Variants in PDE4D observed in about 807,000 individuals in gnomAD.
PDE4D encodes the protein 3',5'-cyclic-AMP phosphodiesterase 4D.
Under a neutral mutation model 87.4 loss-of-function variants are expected in PDE4D, and 24 were observed. The ratio of observed to expected loss-of-function variants is 0.27; its 90% CI spans 0.20 to 0.39. The LOEUF (loss-of-function observed/expected upper bound fraction) is 0.39. Among genes scored for constraint, PDE4D ranks in the 10% least tolerant of loss-of-function variants. The pLI, the probability that PDE4D is intolerant of heterozygous loss-of-function variation, is 1.00. For missense variants in PDE4D, 714 were observed against 1,041.0 expected (o/e 0.69, Z 4.32); for synonymous variants, 384 against 383.2 (o/e 1.00, Z -0.02).
At chr5:59,002,869 T>C (rs1462923318) in intron 6 of PDE4D, among the ~76,000 whole-genome samples, 1 of 152,140 alleles carries the variant, frequency 6.6e-6, no homozygotes, top group Non-Finnish European at 1.5e-5. Context: ...CAGATACATA[T>C]GAGGATTAAA....
chr5:59,541,048 C>T (rs547047078), intron 1 of PDE4D, among the ~76,000 whole-genome samples: 96 of 152,196 alleles, frequency 6.3e-4, no homozygotes, highest in African/African-American at 2.1e-3. Context: ...TTTAAAGAAA[C>T]GACGCCCTTA....
chr5:59,454,510 G>A (rs1562218441), intron 1 of PDE4D, among the ~76,000 whole-genome samples: 2 of 152,174 alleles, frequency 1.3e-5, no homozygotes, highest in Admixed American at 6.5e-5. Flanking sequence ...CCCCAGCCCT[G>A]TGGAATTGTA....
At chr5:59,993,501 G>A (rs2152834020) in intron 2 of PDE4D, among the ~76,000 whole-genome samples, 1 of 151,928 alleles carries the variant, frequency 6.6e-6, no homozygotes, top group East Asian at 1.9e-4. Flanking sequence ...ATGTTGAGTG[G>A]GAAGAACAGA....
chr5:59,195,411 G>A (rs757530647), intron 2 of PDE4D, among the ~76,000 whole-genome samples: 1 of 152,226 alleles, frequency 6.6e-6, no homozygotes, highest in Non-Finnish European at 1.5e-5. Context: ...TGAAGCCAAG[G>A]AGGCAGAGCA....
At chr5:59,292,378 T>G (rs1051826312) in intron 1 of PDE4D, among the ~76,000 whole-genome samples, 1 of 152,200 alleles carries the variant, frequency 6.6e-6, no homozygotes, top group Non-Finnish European at 1.5e-5. Context: ...CAAAGATGTT[T>G]TAATACCTTT....
chr5:59,970,990 A>T (rs1434192494), intron 3 of PDE4D, among the ~76,000 whole-genome samples: 1 of 151,832 alleles, frequency 6.6e-6, no homozygotes, highest in East Asian at 1.9e-4. Flanking sequence ...GGATTAAGAA[A>T]ATGTGGCACA....
intron 1 of PDE4D, chr5:59,529,336 G>C (rs1012354053): frequency 3.4e-6 from 1 of 294,982 alleles, no homozygotes; most frequent in Non-Finnish European, 6.8e-6. Context: ...GAAGAAAATG[G>C]AATTTCACTT....
chr5:59,567,770 G>A (rs1457496843), intron 1 of PDE4D, among the ~76,000 whole-genome samples: 1 of 152,164 alleles, frequency 6.6e-6, no homozygotes, highest in Non-Finnish European at 1.5e-5. Flanking sequence ...GTTTTTCACT[G>A]TTGGAGTGGA....
chr5:59,665,757 G>T (rs887125391), intron 1 of PDE4D, among the ~76,000 whole-genome samples: 1 of 152,120 alleles, frequency 6.6e-6, no homozygotes, highest in South Asian at 2.1e-4. Flanking sequence ...CTTGTGAACA[G>T]GATTAATGCA....
At chr5:59,125,299 T>C in intron 5 of PDE4D, 1 of 983,996 alleles carries the variant, frequency 1.0e-6, no homozygotes, top group South Asian at 4.7e-5. Context: ...TCCAGGTCCA[T>C]GGTAATTTGG....
chr5:60,509,271 G>A (rs950026439), intron 1 of PDE4D, among the ~76,000 whole-genome samples: 1 of 152,144 alleles, frequency 6.6e-6, no homozygotes. Flanking sequence ...AGCATTAAAC[G>A]TATCATGGAA....
rs11412476 is a variant in PDE4D, at chr5:59,488,676, C to CTTT, written c.456-272711_456-272709dup. ...AAATATAACCACTAGAGATAATCTT[C>CTTT]TTTTTTTTTTTTTGAGGGGGGGATC... On this transcript the variant is annotated intron_variant, in intron 1 of 14. Transcript: ENST00000340635. Among the ~76,000 whole-genome samples the CTTT allele has an allele frequency of 2.8e-3, 410 of 144,856 alleles. 4 individuals carry two copies. The highest frequency in any genetic ancestry group is 0.015 in the South Asian group (68 of 4,506).
intron 1 of PDE4D, among the ~76,000 whole-genome samples, chr5:59,684,498 G>A (rs533402981): frequency 4.7e-4 from 71 of 152,270 alleles, no homozygotes; most frequent in African/African-American, 1.7e-3. Flanking sequence ...CCACTAGGTT[G>A]TACAGAGTAA....
At chr5:60,248,183 C>T (rs1050596032) in intron 1 of PDE4D, among the ~76,000 whole-genome samples, 1 of 151,808 alleles carries the variant, frequency 6.6e-6, no homozygotes, top group African/African-American at 2.4e-5. Context: ...TTTTTAAGTG[C>T]TATTTGAACA....
chr5:60,212,146 C>T (rs2409741), intron 1 of PDE4D, among the ~76,000 whole-genome samples: 32,483 of 151,516 alleles, frequency 0.21, 3,754 homozygotes, highest in Middle Eastern at 0.36. Context: ...TTCATAGTAG[C>T]TCTTTGTCAT....
intron 1 of PDE4D, among the ~76,000 whole-genome samples, chr5:59,859,647 A>T (rs1002645208): frequency 1.3e-5 from 2 of 152,182 alleles, no homozygotes; most frequent in Non-Finnish European, 1.5e-5. Flanking sequence ...AAATTGACTG[A>T]AATTGACTCC....
At chr5:60,287,154 A>C (rs1368667595) in intron 1 of PDE4D, among the ~76,000 whole-genome samples, 8 of 152,244 alleles carry the variant, frequency 5.3e-5, no homozygotes, top group Admixed American at 5.2e-4. Context: ...TACTCTAGAC[A>C]GCACAGACGG....
chr5:59,648,551 T>G (rs139990855), intron 1 of PDE4D, among the ~76,000 whole-genome samples: 129 of 152,304 alleles, frequency 8.5e-4, no homozygotes, highest in Non-Finnish European at 1.4e-3. Flanking sequence ...CTCTTAAATA[T>G]TAATGACTAA....
intron 1 of PDE4D, among the ~76,000 whole-genome samples, chr5:60,516,099 T>G (rs1391719015): frequency 6.6e-6 from 1 of 152,238 alleles, no homozygotes; most frequent in East Asian, 1.9e-4. Flanking sequence ...TTAAGCCTGT[T>G]TTGTGAATAT....
Sources: allele counts gnomAD v4.1 joint callset (sites outside exome capture counted in the v4.1 genomes callset), GRCh38; gene constraint gnomAD v4.1.1; transcripts MANE v1.5; gene names NCBI Gene and HGNC (gene_info 2026-07-23, HGNC 2026-07-21).